Variants in POLR3A observed in about 807,000 individuals in gnomAD.
The protein encoded by POLR3A is DNA-directed RNA polymerase III subunit RPC1.
In POLR3A, 112 loss-of-function variants were observed where a neutral mutation model predicts 152.8. That is an observed-to-expected ratio of 0.73 (90% confidence interval 0.63 to 0.86). The LOEUF is 0.86. POLR3A is among the 40% of genes least tolerant of loss of function. The pLI is 0.00. For synonymous variants in POLR3A, 615 were observed against 652.1 expected, an observed-to-expected ratio of 0.94 and a Z score of 0.87; for missense variants, 1,385 against 1,743.1, an observed-to-expected ratio of 0.79 and a Z score of 3.66.
chr10:77,991,168 C>T lies in POLR3A; in HGVS notation c.2788-1G>A. On this transcript the variant is annotated splice_acceptor_variant, in intron 20 of 30. Coordinates refer to ENST00000372371, the MANE Select transcript of POLR3A (RefSeq NM_007055.4). LOFTEE classifies it high-confidence loss of function. ...GCTCACTGGGACACGGGAAGACTGC[C>T]TTGAGTATTAAAAGAAAATTGCATT... is the stretch of plus-strand genomic sequence containing the variant. The T allele has an allele frequency of 6.3e-7, 1 of 1,588,608 alleles. No homozygotes were observed. Among genetic ancestry groups the T allele is most frequent in the Non-Finnish European group, 8.6e-7 (1 of 1,156,778 alleles).
intron 21 of POLR3A, among the ~76,000 whole-genome samples, chr10:77,986,707 A>C (rs957665449): frequency 6.6e-6 from 1 of 152,148 alleles, no homozygotes; most frequent in Admixed American, 6.5e-5. Flanking sequence ...CCCTCTGGTA[A>C]CCACCTCTCC....
rs781132110 is a variant in POLR3A at position 78,007,731 on chromosome 10, C to T, written c.2045G>A (p.Arg682Gln). Residue 682 changes from arginine (R) to glutamine (Q), a missense_variant, in exon 15 of 31, where the codon CGG (arginine) becomes CAG (glutamine). Physicochemically the swap from Arg to Gln is conservative, Grantham distance 43. Coordinates refer to ENST00000372371, the MANE Select transcript of POLR3A (RefSeq NM_007055.4). The stretch of plus-strand genomic sequence containing the variant: ...GTAGACAGGAGCCAGCCTGGCGAGC[C>T]GTGACATGGCATCTGCAGCTTCATT... ...GQNEAADAMS[R>Q]LARLAPVYLS... is the part of the protein sequence containing the mutation. 4.3e-6 allele frequency: 7 copies of T among 1,613,920 alleles called. No individual in the cohort carries two copies. In the African/African-American group the frequency reaches 5.3e-5, roughly 12 times the overall value.
chr10:78,019,147 T>C lies in POLR3A; in HGVS notation c.1289+15A>G. 1.3e-6 allele frequency: 2 copies of C among 1,574,174 alleles called. No individual in the cohort carries two copies. The highest frequency in any genetic ancestry group is 1.7e-6 in the Non-Finnish European group (2 of 1,143,536). On this transcript the variant is annotated intron_variant, in intron 9 of 30. Coordinates refer to ENST00000372371, the MANE Select transcript of POLR3A (RefSeq NM_007055.4). ...GAGAAAGTAGTTAAATCCAACTAGA[T>C]TGGGAAAAGATTACCTTTTCATCTG...
chr10:77,996,120 A>G (rs1847297992), intron 19 of POLR3A, among the ~76,000 whole-genome samples: 4 of 152,332 alleles, frequency 2.6e-5, no homozygotes, highest in Admixed American at 1.3e-4. Context: ...CAACGAGAAC[A>G]AAGACACAAC....
At position 77,985,277 on chromosome 10, in the gene POLR3A, G is replaced by A; in HGVS notation, c.3135C>T (p.Gly1045=). The part of the protein sequence containing the change: ...ALCAQSIGEP[G]TQMTLKTFHF... ...GGAAAGTCTTCAGGGTCATCTGGGT[G>A]CCTGGCTCACCAATGCTCTGGGCAC... Residue 1045 remains glycine, a synonymous_variant, in exon 24 of 31, where the codon GGC becomes GGT. Transcript: ENST00000372371. 1 of 1,613,862 alleles carries A rather than the reference G, an allele frequency of 6.2e-7. No individual in the cohort carries two copies. Among genetic ancestry groups the A allele is most frequent in the Non-Finnish European group, 8.5e-7 (1 of 1,179,712 alleles).
At chr10:78,019,047 A>G (rs1847552485) in intron 9 of POLR3A, 115 bp downstream of exon 9, 1 of 791,032 alleles carries the variant, frequency 1.3e-6, no homozygotes, top group Admixed American at 1.9e-5. Context: ...TATTTTCCAC[A>G]TGCCAAAATG....
intron 23 of POLR3A, 77 bp from the exon 24 acceptor site, chr10:77,985,417 G>A: frequency 9.0e-7 from 1 of 1,106,216 alleles, no homozygotes; most frequent in Non-Finnish European, 1.4e-6. Context: ...GAGGCTTCTG[G>A]TTATCACCTT....
chr10:77,984,793 G>T (rs1847181826), intron 24 of POLR3A, among the ~76,000 whole-genome samples: 1 of 152,180 alleles, frequency 6.6e-6, no homozygotes, highest in East Asian at 1.9e-4. Context: ...ATCACCAGGG[G>T]CTCACAGAAT....
At chr10:78,017,803 T>C (rs1046323577) in intron 9 of POLR3A, 87 bp from the exon 10 acceptor site, 74 of 1,393,234 alleles carry the variant, frequency 5.3e-5, no homozygotes, top group Non-Finnish European at 6.7e-5. Flanking sequence ...CAATCTTTAA[T>C]ATATTATTTC....
intron 17 of POLR3A, among the ~76,000 whole-genome samples, chr10:78,001,889 C>T (rs1042629819): frequency 6.6e-5 from 10 of 151,828 alleles, no homozygotes; most frequent in African/African-American, 2.4e-4. Flanking sequence ...AGCAATCAAT[C>T]GGCCTCGGCC....
intron 26 of POLR3A, among the ~76,000 whole-genome samples, chr10:77,983,345 G>A (rs996221583): frequency 9.9e-5 from 15 of 152,184 alleles, no homozygotes; most frequent in Non-Finnish European, 1.5e-4. Flanking sequence ...GTGAGAGAAC[G>A]AGCTGACAGA....
chr10:77,978,912 T>C (rs904633966), intron 30 of POLR3A, among the ~76,000 whole-genome samples: 4 of 152,118 alleles, frequency 2.6e-5, no homozygotes, highest in African/African-American at 9.7e-5. Context: ...TCCACCCGCC[T>C]TGGCCTCCCA....
chr10:77,979,370 G>A (rs571973539), intron 30 of POLR3A, among the ~76,000 whole-genome samples: 7 of 152,228 alleles, frequency 4.6e-5, no homozygotes, highest in South Asian at 2.1e-4. Flanking sequence ...TGGCCCTCTC[G>A]AACCCCAGCC....
chr10:77,991,803 G>A (rs1045598286), intron 20 of POLR3A, among the ~76,000 whole-genome samples: 3 of 152,202 alleles, frequency 2.0e-5, no homozygotes, highest in Non-Finnish European at 2.9e-5. Flanking sequence ...AGGATTACAA[G>A]CGTGAGCCCC....
intron 30 of POLR3A, among the ~76,000 whole-genome samples, chr10:77,979,698 T>G (rs187257044): frequency 6.6e-6 from 1 of 152,282 alleles, no homozygotes; most frequent in Admixed American, 6.5e-5. Flanking sequence ...TTGACACATA[T>G]GATGCCTGGC....
At chr10:77,995,427 A>G (rs1847290050) in intron 19 of POLR3A, among the ~76,000 whole-genome samples, 1 of 152,228 alleles carries the variant, frequency 6.6e-6, no homozygotes, top group South Asian at 2.1e-4. Context: ...TCTCACGTGC[A>G]GAGACACACA....
chr10:78,006,395 CAAAAAAAAAAAAA>C (rs36050560), intron 15 of POLR3A, among the ~76,000 whole-genome samples: 501 of 21,984 alleles, frequency 0.023, 17 homozygotes, highest in African/African-American at 0.055. Flanking sequence ...GACTCTGTCT[CAAAAAAAAAAAAA>C]AAAAAAAAAA....
chr10:78,004,055 G>A (rs940291003), intron 16 of POLR3A, among the ~76,000 whole-genome samples: 3 of 152,048 alleles, frequency 2.0e-5, no homozygotes, highest in Non-Finnish European at 2.9e-5. Context: ...CCAACATGGT[G>A]AAACCCTGTC....
In POLR3A at chr10:77,991,143, G is replaced by C. The variant is rs747949344; in HGVS notation, c.2812C>G (p.Pro938Ala). ...IKAVFPCPSE[P>A]ALSKNELILT... ...ATCAGCTCGTTTTTGCTGAGAGCAG[G>C]CTCACTGGGACACGGGAAGACTGCC... is the stretch of plus-strand genomic sequence containing the variant. The change falls in exon 21 of 31, where the codon CCT (proline) becomes GCT (alanine). Residue 938 changes from proline (P) to alanine (A), a missense_variant. By Grantham distance (27) the Pro-to-Ala change is conservative. Around this residue, in one of 7 missense-constraint regions of POLR3A, gnomAD observed 178 missense variants for 204.6 expected, o/e 0.87. Coordinates refer to ENST00000372371, the MANE Select transcript of POLR3A (RefSeq NM_007055.4). The C allele has an allele frequency of 6.2e-7, 1 of 1,611,830 alleles. No homozygotes were observed. The highest frequency in any genetic ancestry group is 1.1e-5 in the South Asian group (1 of 91,012).
Sources: gnomAD v4.1 joint callset for allele counts (sites outside exome capture counted in the v4.1 genomes callset) on GRCh38, gnomAD v4.1.1 for gene constraint, gnomAD v4.1.1 regional missense constraint, MANE v1.5 for transcripts, NCBI Gene and HGNC (gene_info 2026-07-23, HGNC 2026-07-21) for gene names.